The following DPY19L2 variants were observed in gnomAD, a reference collection of about 807,000 sequenced individuals.
The protein encoded by DPY19L2 is dpy-19 like 2, also known as probable C-mannosyltransferase DPY19L2.
Under a neutral mutation model 97.9 loss-of-function variants are expected in DPY19L2, and 34 were observed. The ratio of observed to expected loss-of-function variants is 0.35; its 90% confidence interval spans 0.26 to 0.46. The LOEUF is 0.46. Ranked by LOEUF, DPY19L2 falls within the 20% of genes least tolerant of loss-of-function variation. The pLI, the probability that DPY19L2 is intolerant of heterozygous loss-of-function variation, is 1.00. For missense variants in DPY19L2, 623 were observed against 911.4 expected (o/e 0.68, Z 4.07); for synonymous variants, 230 against 307.9 (o/e 0.75, Z 2.65).
At chr12:63,567,896 T>C (rs1019494463) in intron 21 of DPY19L2, among the ~76,000 whole-genome samples, 4 of 152,094 alleles carry the variant, frequency 2.6e-5, no homozygotes, top group African/African-American at 9.7e-5. Context: ...CATTTTTTTC[T>C]CTTATTTTCA....
At chr12:63,599,427 C>A (rs1423062362) in intron 13 of DPY19L2, among the ~76,000 whole-genome samples, 1 of 152,016 alleles carries the variant, frequency 6.6e-6, no homozygotes, top group Non-Finnish European at 1.5e-5. Context: ...GCAAAACTAG[C>A]AATAAATGGC....
At chr12:63,648,579 C>A (rs1455191345) in intron 4 of DPY19L2, among the ~76,000 whole-genome samples, 1 of 151,972 alleles carries the variant, frequency 6.6e-6, no homozygotes, top group Non-Finnish European at 1.5e-5. Flanking sequence ...AAGTGCCCAC[C>A]ACCATGCCTG....
intron 11 of DPY19L2, among the ~76,000 whole-genome samples, chr12:63,613,708 G>C (rs1456708687): frequency 3.3e-5 from 5 of 151,744 alleles, no homozygotes; most frequent in Non-Finnish European, 7.4e-5. Flanking sequence ...GAAGGAATAT[G>C]AGGAAATGAA....
At chr12:63,598,610 A>G (rs969033830) in intron 13 of DPY19L2, among the ~76,000 whole-genome samples, 2 of 152,222 alleles carry the variant, frequency 1.3e-5, no homozygotes, top group African/African-American at 4.8e-5. Flanking sequence ...ATATTTGGCA[A>G]GTAAACTCTT....
chr12:63,568,984 TG>T (rs1400873696), intron 21 of DPY19L2, among the ~76,000 whole-genome samples: 2 of 151,888 alleles, frequency 1.3e-5, no homozygotes, highest in Non-Finnish European at 2.9e-5. Flanking sequence ...AAAAGCTAAG[TG>T]GAAGATGTTA....
In DPY19L2 at chr12:63,594,581, A is replaced by G. The variant is rs1386503947; in HGVS notation, c.1534-448T>C. The stretch of plus-strand genomic sequence containing the variant: ...CCTGGCTAGCTGTAGGGATGTTTGT[A>G]TGTGTGTGTGTGTGCGTGCACGTGT... On this transcript the variant is annotated intron_variant, in intron 15 of 21. Coordinates refer to ENST00000324472, the MANE Select transcript of DPY19L2 (RefSeq NM_173812.5). 1.3e-3 allele frequency among the ~76,000 whole-genome samples: 181 copies of G among 143,348 alleles called. 1 individual carries two copies. Among genetic ancestry groups the G allele is most frequent in the African/African-American group, 4.2e-3 (160 of 38,224 alleles). 94.0% of individuals were successfully genotyped at this position (143,348 alleles called of 152,430 possible).
At chr12:63,619,267 C>A (rs1267815716) in intron 9 of DPY19L2, among the ~76,000 whole-genome samples, 1 of 152,084 alleles carries the variant, frequency 6.6e-6, no homozygotes, top group South Asian at 2.1e-4. Context: ...ATGGTGACAC[C>A]TCATCGCTAC....
chr12:63,601,156 T>A (rs1229025166), intron 12 of DPY19L2, among the ~76,000 whole-genome samples: 1 of 152,306 alleles, frequency 6.6e-6, no homozygotes, highest in South Asian at 2.1e-4. Flanking sequence ...TATGTGTTTG[T>A]TTCCAAATAT....
chr12:63,571,735 T>C (rs1288948464), intron 19 of DPY19L2, among the ~76,000 whole-genome samples: 1 of 152,184 alleles, frequency 6.6e-6, no homozygotes, highest in Admixed American at 6.5e-5. Context: ...TTTGGAGTAA[T>C]AACATGTATA....
intron 16 of DPY19L2, among the ~76,000 whole-genome samples, chr12:63,590,146 A>T (rs1882650506): frequency 6.6e-6 from 1 of 152,016 alleles, no homozygotes; most frequent in African/African-American, 2.4e-5. Context: ...CAACAACAAC[A>T]ACAAAAACCC....
At chr12:63,598,331 C>T (rs576455719) in intron 13 of DPY19L2, among the ~76,000 whole-genome samples, 1 of 152,248 alleles carries the variant, frequency 6.6e-6, no homozygotes, top group South Asian at 2.1e-4. Flanking sequence ...CACAAAGCCT[C>T]GCAGACTGAT....
At chr12:63,581,520 G>C (rs1338123252) in intron 18 of DPY19L2, among the ~76,000 whole-genome samples, 1 of 115,230 alleles carries the variant, frequency 8.7e-6, no homozygotes, top group African/African-American at 3.5e-5. Context: ...GTCTCACTCT[G>C]TCTCCCAGGC....
In DPY19L2 at chr12:63,595,998, C is replaced by G. The variant is rs967857501; in HGVS notation, c.1501G>C (p.Val501Leu). 1.2e-5 allele frequency: 19 copies of G among 1,599,002 alleles called. 1 individual carries two copies. The highest frequency in any genetic ancestry group is 1.5e-5 in the Non-Finnish European group (18 of 1,173,082). ...RYTKTLLLPV[V>L]MVITCFIFKK... is the part of the protein sequence containing the mutation. ...AAGATAAAACATGTAATCACCATAA[C>G]AACTGGAAGCAATAATGTCTTTGTG... The change falls in exon 15 of 22, where the codon GTT (valine) becomes CTT (leucine). Residue 501 changes from valine to leucine, a missense_variant. Physicochemically the swap from Val to Leu is conservative, Grantham distance 32 (BLOSUM62 1). Transcript: ENST00000324472.
intron 6 of DPY19L2, among the ~76,000 whole-genome samples, chr12:63,637,599 G>T (rs1328263580): frequency 6.6e-6 from 1 of 152,006 alleles, no homozygotes; most frequent in Non-Finnish European, 1.5e-5. Context: ...CTATAAACTA[G>T]AAAATCTAGA....
chr12:63,578,726 T>C (rs1447653638), intron 19 of DPY19L2, among the ~76,000 whole-genome samples: 2 of 152,086 alleles, frequency 1.3e-5, no homozygotes, highest in Non-Finnish European at 2.9e-5. Flanking sequence ...AGTCAAAGAA[T>C]GTGTATTTAT....
At chr12:63,664,911 C>T (rs1367481939) in intron 2 of DPY19L2, among the ~76,000 whole-genome samples, 1 of 152,148 alleles carries the variant, frequency 6.6e-6, no homozygotes, top group Non-Finnish European at 1.5e-5. Context: ...GCAGACTAAA[C>T]GTCTACAGCA....
At chr12:63,605,341 A>G (rs1490180093) in intron 12 of DPY19L2, among the ~76,000 whole-genome samples, 1 of 152,156 alleles carries the variant, frequency 6.6e-6, no homozygotes, top group East Asian at 1.9e-4. Context: ...AGTAGATACC[A>G]GACCCACATC....
Position 63,597,915 on chromosome 12 carries a change from G to A in DPY19L2, c.1360-5C>T. ...TATAAGATCACTCAGGCGAATCTGG[G>A]AGAAAATAAAGTAAAATGAATTAAA... is the stretch of plus-strand genomic sequence containing the variant. On this transcript the variant is annotated splice_region_variant and splice_polypyrimidine_tract_variant and intron_variant, in intron 13 of 21. Transcript: ENST00000324472. 6.3e-7 allele frequency: 1 copy of A among 1,579,398 alleles called. No individual in the cohort carries two copies. Among genetic ancestry groups the A allele is most frequent in the South Asian group, 1.2e-5 (1 of 85,758 alleles).
intron 4 of DPY19L2, among the ~76,000 whole-genome samples, chr12:63,652,329 G>A (rs920695532): frequency 5.9e-5 from 9 of 152,170 alleles, no homozygotes; most frequent in African/African-American, 2.2e-4. Context: ...TGGTGGGAAT[G>A]TAAACTAGTT....
Sources: allele counts gnomAD v4.1 joint callset (sites outside exome capture counted in the v4.1 genomes callset), GRCh38; gene constraint gnomAD v4.1.1; transcripts MANE v1.5; gene names NCBI Gene and HGNC (gene_info 2026-07-23, HGNC 2026-07-21).